Variants in DNAL1 observed in about 807,000 individuals in gnomAD.
The protein encoded by DNAL1 is chromosome 14 open reading frame 168.
DNAL1 carries 17 observed loss-of-function variants against 29.4 expected under a neutral mutation model. The observed-to-expected ratio is 0.58, with a 90% CI of 0.40 to 0.87. The LOEUF is 0.87. DNAL1 is among the 40% of genes least tolerant of loss of function. DNAL1 has a pLI of 0.00. For missense variants in DNAL1, 188 were observed against 214.1 expected (o/e 0.88, Z 0.76); for synonymous variants, 78 against 76.3 (o/e 1.02, Z -0.12).
chr14:73,648,545 T>G (rs72719690), intron 1 of DNAL1, among the ~76,000 whole-genome samples: 2 of 149,912 alleles, frequency 1.3e-5, no homozygotes, highest in Non-Finnish European at 3.0e-5. Context: ...CTGCGAGTAG[T>G]TGGGACTACA....
chr14:73,647,575 C>G (rs911942660), intron 1 of DNAL1, among the ~76,000 whole-genome samples: 1 of 152,098 alleles, frequency 6.6e-6, no homozygotes, highest in African/African-American at 2.4e-5. Context: ...TTCCCCAAGT[C>G]CCACCTGCTA....
chr14:73,647,364 CAAAAAAA>C (rs199974495), intron 1 of DNAL1, among the ~76,000 whole-genome samples: 3 of 92,754 alleles, frequency 3.2e-5, no homozygotes, highest in Non-Finnish European at 5.9e-5. Context: ...GACTCTGTCT[CAAAAAAA>C]AAAAAAAAAA....
chr14:73,669,234 C>A (rs373237646), intron 4 of DNAL1, among the ~76,000 whole-genome samples: 4 of 152,068 alleles, frequency 2.6e-5, no homozygotes, highest in Non-Finnish European at 5.9e-5. Flanking sequence ...CCTCCTGCCT[C>A]AGCCTCCCTG....
intron 2 of DNAL1, among the ~76,000 whole-genome samples, chr14:73,656,829 C>G (rs549382683): frequency 6.6e-6 from 1 of 152,256 alleles, no homozygotes; most frequent in South Asian, 2.1e-4. Flanking sequence ...TTCTCCTCCT[C>G]TAACCTACAA....
chr14:73,682,105 T>G (rs1386275894), intron 5 of DNAL1, among the ~76,000 whole-genome samples: 1 of 150,032 alleles, frequency 6.7e-6, no homozygotes, highest in African/African-American at 2.4e-5. Flanking sequence ...AGAGCAAAAC[T>G]CTGTCTCAAA....
At position 73,694,076 on chromosome 14, in the gene DNAL1, A is replaced by G. The variant is rs79108588; in HGVS notation, c.533-1826A>G. On this transcript the variant is annotated intron_variant, in intron 7 of 7. Transcript: ENST00000553645. ...GGGTTTGTTCTTCATAAAGGGTAGG[A>G]TTTAGATGGGAGGAGAGTTGAGGAC... Among the ~76,000 whole-genome samples the G allele has an allele frequency of 8.0e-3, 1,212 of 151,786 alleles. 21 individuals carry two copies. The highest frequency in any genetic ancestry group is 0.028 in the African/African-American group (1,148 of 41,352).
rs1892110650 is a variant in DNAL1, at chr14:73,689,403, A to T, written c.420A>T (p.Pro140=). The T allele has an allele frequency of 6.4e-7, 1 of 1,553,296 alleles. No individual in the cohort carries two copies. The highest frequency in any genetic ancestry group is 1.4e-5 in the African/African-American group (1 of 73,132). ...AGTTTGTGAAGCTGGCAGAACTGCC[A>T]TGCCTCGAAGACCTGGTGTTTGTAG... ...WAEFVKLAEL[P]CLEDLVFVGN... The change falls in exon 7 of 8, where the codon CCA becomes CCT. Residue 140 remains proline (P), a synonymous_variant. Transcript: ENST00000553645.
chr14:73,655,438 G>A (rs549765159), intron 2 of DNAL1, among the ~76,000 whole-genome samples: 8 of 150,428 alleles, frequency 5.3e-5, no homozygotes, highest in African/African-American at 2.0e-4. Flanking sequence ...TCCGCCTCCC[G>A]GGTTCAAGCG....
chr14:73,669,739 C>G (rs1891573789), intron 4 of DNAL1, among the ~76,000 whole-genome samples: 1 of 152,094 alleles, frequency 6.6e-6, no homozygotes, highest in Non-Finnish European at 1.5e-5. Flanking sequence ...CCAATTACCT[C>G]TTTACAGGCT....
intron 4 of DNAL1, among the ~76,000 whole-genome samples, chr14:73,667,756 C>T (rs1209341966): frequency 6.6e-6 from 1 of 152,092 alleles, no homozygotes; most frequent in Non-Finnish European, 1.5e-5. Context: ...CCTGCCTTGG[C>T]CTCCCAAAGT....
chr14:73,653,468 C>G (rs1891151043), intron 1 of DNAL1, among the ~76,000 whole-genome samples: 1 of 152,114 alleles, frequency 6.6e-6, no homozygotes, highest in African/African-American at 2.4e-5. Flanking sequence ...CATCCCACCT[C>G]AGCCTCCCAA....
At position 73,699,375 on chromosome 14, in the gene DNAL1, A is replaced by G. The variant is rs1892377191; in HGVS notation, c.*3433A>G. ...GGCTGGAGTGCAGTGGCGCAATCTC[A>G]GCTCACTGCAACCTCCGTCTCCCGG... On this transcript the variant is annotated 3_prime_UTR_variant, in exon 8 of 8. Transcript: ENST00000553645. 6.7e-6 allele frequency: 1 copy of G among 150,352 alleles called. No individual in the cohort carries two copies. The highest frequency in any genetic ancestry group is 1.5e-5 in the Non-Finnish European group (1 of 67,764). 9.3% of individuals were successfully genotyped at this position (150,352 alleles called of 1,614,324 possible).
intron 6 of DNAL1, among the ~76,000 whole-genome samples, chr14:73,688,436 C>A (rs1892075047): frequency 6.6e-6 from 1 of 152,070 alleles, no homozygotes; most frequent in African/African-American, 2.4e-5. Context: ...ATAGCAAAAC[C>A]CAAATTTTTT....
At chr14:73,661,571 C>T (rs183891626) in intron 3 of DNAL1, among the ~76,000 whole-genome samples, 2 of 152,100 alleles carry the variant, frequency 1.3e-5, no homozygotes, top group Non-Finnish European at 1.5e-5. Flanking sequence ...ATGGTGAAAC[C>T]CTGTCTCCAC....
intron 6 of DNAL1, among the ~76,000 whole-genome samples, chr14:73,689,036 T>G (rs1006309578): frequency 7.1e-6 from 1 of 141,284 alleles, no homozygotes; most frequent in Non-Finnish European, 1.5e-5. Context: ...GTTTTTTTTT[T>G]TTTTTTTTTT....
At chr14:73,691,854 C>CG (rs199618803) in intron 7 of DNAL1, among the ~76,000 whole-genome samples, 17,389 of 146,980 alleles carry the variant, frequency 0.12, 2,115 homozygotes, top group East Asian at 0.63. Context: ...CCACCCCCCC[C>CG]CCCCAGCTAA....
chr14:73,682,598 TATTTC>T (rs993753949), intron 5 of DNAL1, among the ~76,000 whole-genome samples: 2 of 151,898 alleles, frequency 1.3e-5, no homozygotes, highest in African/African-American at 4.8e-5. Flanking sequence ...TTTCTTTCTT[TATTTC>T]ATTATTCTAT....
chr14:73,654,959 AT>A, intron 2 of DNAL1, 74 bp downstream of exon 2: 1 of 1,401,684 alleles, frequency 7.1e-7, no homozygotes, highest in Non-Finnish European at 9.7e-7. Context: ...AAATCTAGCT[AT>A]TTAATACAAA....
intron 5 of DNAL1, among the ~76,000 whole-genome samples, chr14:73,675,340 G>A (rs1276711464): frequency 6.6e-6 from 1 of 150,842 alleles, no homozygotes; most frequent in Admixed American, 6.6e-5. Context: ...TGTAATCTCG[G>A]ACTAGTATAG....
Sources: gnomAD v4.1 joint callset for allele counts (sites outside exome capture counted in the v4.1 genomes callset) on GRCh38, gnomAD v4.1.1 for gene constraint, MANE v1.5 for transcripts, NCBI Gene and HGNC (gene_info 2026-07-23, HGNC 2026-07-21) for gene names.